The following ATP8A1 variants were observed in gnomAD, a reference collection of about 807,000 sequenced individuals.
ATP8A1 encodes the protein ATPase phospholipid transporting 8A1, also known as phospholipid-transporting ATPase IA.
In ATP8A1, 90 loss-of-function variants were observed where a neutral mutation model predicts 177.7. The ratio of observed to expected loss-of-function variants is 0.51; its 90% confidence interval spans 0.43 to 0.60. ATP8A1 has a LOEUF of 0.60. ATP8A1 is among the 20% of genes least tolerant of loss of function. The probability of loss-of-function intolerance (pLI) is 0.00; values close to 1 mark genes in which losing one functional copy is unlikely to be tolerated. For missense variants in ATP8A1, 1,072 were observed against 1,392.8 expected (o/e 0.77, Z 3.67); for synonymous variants, 493 against 485.9 (o/e 1.01, Z -0.19).
At chr4:42,416,494 G>T (rs375439098) in intron 35 of ATP8A1, among the ~76,000 whole-genome samples, 1 of 152,044 alleles carries the variant, frequency 6.6e-6, no homozygotes. Flanking sequence ...ACATAATTCC[G>T]TTTTGTACAG....
chr4:42,423,691 GAAC>G lies in ATP8A1; in HGVS notation c.3135_3137del (p.Leu1045del). 6.2e-7 allele frequency: 1 copy of G among 1,611,256 alleles called. No individual in the cohort carries two copies. The highest frequency in any genetic ancestry group is 8.5e-7 in the Non-Finnish European group (1 of 1,178,668). Reference sequence around the variant, plus strand: ...AGCCCATCCAAAAGACTCCAGAACTGAACAACATGGCTGCCTGTGTAAATCGTC... The same window carrying G: ...AGCCCATCCAAAAGACTCCAGAACTGAACATGGCTGCCTGTGTAAATCGTC... On this transcript the variant is annotated inframe_deletion, in exon 34 of 37. Transcript: ENST00000381668.
At chr4:42,426,494 G>A (rs1405789747) in intron 33 of ATP8A1, among the ~76,000 whole-genome samples, 2 of 152,196 alleles carry the variant, frequency 1.3e-5, no homozygotes, top group African/African-American at 4.8e-5. Context: ...AAGTGGTCCT[G>A]GCACGGCCCT....
At position 42,507,109 on chromosome 4, in the gene ATP8A1, CT is replaced by C. The variant is rs1724444232; in HGVS notation, c.1992del (p.Asp665IlefsTer7). On this transcript the variant is annotated frameshift_variant, in exon 23 of 37. Coordinates refer to ENST00000381668, the MANE Select transcript of ATP8A1 (RefSeq NM_006095.2). LOFTEE classifies it high-confidence loss of function. ...LGATAIEDKL[Q>X]DQVPETIETL... Reference sequence around the variant, plus strand: ...GTTTCTATGGTTTCAGGCACTTGATCTTGTAATTTATCCTCAATGGCTGTTG... The same window carrying C: ...GTTTCTATGGTTTCAGGCACTTGATCTGTAATTTATCCTCAATGGCTGTTG... The C allele has an allele frequency of 6.2e-7, 1 of 1,613,846 alleles. No individual in the cohort carries two copies. The highest frequency in any genetic ancestry group is 8.5e-7 in the Non-Finnish European group (1 of 1,179,956).
intron 33 of ATP8A1, among the ~76,000 whole-genome samples, chr4:42,436,243 C>T (rs191825625): frequency 0.011 from 1,609 of 152,176 alleles, 17 homozygotes; most frequent in Non-Finnish European, 0.013. Context: ...ACAAAGGGAT[C>T]CTTGAGGACA....
intron 6 of ATP8A1, among the ~76,000 whole-genome samples, chr4:42,599,037 T>A (rs977165385): frequency 7.9e-5 from 12 of 152,122 alleles, no homozygotes; most frequent in Non-Finnish European, 1.8e-4. Flanking sequence ...GTGATTTGTC[T>A]GTCAAAAATA....
At chr4:42,625,902 A>G (rs1175379564) in intron 2 of ATP8A1, 189 bp from the exon 3 acceptor site, 5 of 419,786 alleles carry the variant, frequency 1.2e-5, no homozygotes, top group Non-Finnish European at 2.1e-5. Flanking sequence ...ATGGTAAAGC[A>G]TGAATACCAC....
chr4:42,472,948 G>A (rs898828628), intron 25 of ATP8A1, among the ~76,000 whole-genome samples: 2 of 152,116 alleles, frequency 1.3e-5, no homozygotes, highest in Non-Finnish European at 2.9e-5. Context: ...TTTCAAATTT[G>A]GGTTACTGGG....
At chr4:42,556,144 A>T in intron 15 of ATP8A1, 104 bp from the exon 16 acceptor site, 1 of 648,312 alleles carries the variant, frequency 1.5e-6, no homozygotes, top group Non-Finnish European at 2.5e-6. Flanking sequence ...CCAAACCCTC[A>T]ATAAATTAAA....
At chr4:42,476,494 C>T (rs913416575) in intron 25 of ATP8A1, among the ~76,000 whole-genome samples, 2 of 151,912 alleles carry the variant, frequency 1.3e-5, no homozygotes, top group Non-Finnish European at 2.9e-5. Flanking sequence ...TGGTGGATGC[C>T]TGTAGTCCCA....
chr4:42,567,927 A>C (rs2109310101), intron 15 of ATP8A1, among the ~76,000 whole-genome samples: 1 of 152,344 alleles, frequency 6.6e-6, no homozygotes, highest in Admixed American at 6.5e-5. Flanking sequence ...TTTAGAGGAT[A>C]TATATATCAC....
At chr4:42,538,731 G>A (rs1293650656) in intron 20 of ATP8A1, among the ~76,000 whole-genome samples, 1 of 152,160 alleles carries the variant, frequency 6.6e-6, no homozygotes, top group African/African-American at 2.4e-5. Flanking sequence ...CTGCAAGAAT[G>A]GCCATAATCA....
At chr4:42,586,272 T>C in intron 9 of ATP8A1, 77 bp downstream of exon 9, 1 of 1,512,926 alleles carries the variant, frequency 6.6e-7, no homozygotes, top group East Asian at 2.3e-5. Flanking sequence ...AGATAATATG[T>C]ATCCAGACTT....
chr4:42,509,708 C>T (rs1366965453), intron 22 of ATP8A1, among the ~76,000 whole-genome samples: 2 of 152,038 alleles, frequency 1.3e-5, no homozygotes, highest in East Asian at 3.9e-4. Context: ...AAAAATTAGC[C>T]GGGCATGGTG....
At chr4:42,608,556 C>A (rs372518563) in intron 5 of ATP8A1, among the ~76,000 whole-genome samples, 1 of 152,046 alleles carries the variant, frequency 6.6e-6, no homozygotes. Context: ...GATGGGGTTT[C>A]GCCATGTTGG....
chr4:42,436,009 C>T (rs1034571810), intron 33 of ATP8A1, among the ~76,000 whole-genome samples: 3 of 152,124 alleles, frequency 2.0e-5, no homozygotes, highest in African/African-American at 7.2e-5. Flanking sequence ...GGATCCTGCC[C>T]AATTAACTTG....
At chr4:42,587,886 G>C (rs2109360257) in intron 8 of ATP8A1, among the ~76,000 whole-genome samples, 1 of 152,198 alleles carries the variant, frequency 6.6e-6, no homozygotes, top group South Asian at 2.1e-4. Context: ...GGGATTACAG[G>C]CGTGAGCCAC....
At position 42,479,996 on chromosome 4, in the gene ATP8A1, TTGTGTG is replaced by T. The variant is rs376966152; in HGVS notation, c.2324+5494_2324+5499del. ...AGAATTATGTAATCTGCAGTTCTGCTTGTGTGTGTGTGTGTGTGTGTGTGTGTGTGT... is the reference window on the plus strand; with the variant it reads ...AGAATTATGTAATCTGCAGTTCTGCTTGTGTGTGTGTGTGTGTGTGTGTGT... On this transcript the variant is annotated intron_variant, in intron 25 of 36. Transcript: ENST00000381668. 2.5e-3 allele frequency among the ~76,000 whole-genome samples: 345 copies of T among 135,654 alleles called. 1 individual carries two copies. The highest frequency in any genetic ancestry group is 8.6e-3 in the African/African-American group (307 of 35,776). The allele number at this position is 135,654 out of a possible 152,430, so 89.0% of individuals were successfully genotyped here.
chr4:42,599,773 C>T (rs1029254446), intron 6 of ATP8A1, among the ~76,000 whole-genome samples: 36 of 152,182 alleles, frequency 2.4e-4, no homozygotes, highest in African/African-American at 7.7e-4. Flanking sequence ...AATAAAGTGC[C>T]CTAAGAAGGG....
chr4:42,438,975 G>T (rs1448328547), intron 33 of ATP8A1, among the ~76,000 whole-genome samples: 3 of 152,074 alleles, frequency 2.0e-5, no homozygotes, highest in African/African-American at 7.2e-5. Context: ...AGGGAGCAAG[G>T]ATTTTCTTTC....
Sources: gnomAD v4.1 joint callset for allele counts (sites outside exome capture counted in the v4.1 genomes callset) on GRCh38, gnomAD v4.1.1 for gene constraint, MANE v1.5 for transcripts, NCBI Gene and HGNC (gene_info 2026-07-23, HGNC 2026-07-21) for gene names.